PDCD7: variants seen among roughly 807,000 people sequenced by gnomAD.
PDCD7 encodes programmed cell death protein 7.
Under a neutral mutation model 42.1 loss-of-function variants are expected in PDCD7, and 40 were observed. The observed-to-expected ratio is 0.95, with a 90% CI of 0.74 to 1.24. PDCD7 has a LOEUF of 1.24. Among genes scored for constraint, PDCD7 ranks in the 50% most tolerant of loss-of-function variants. The probability of loss-of-function intolerance (pLI) is 0.00; values close to 1 mark genes in which losing one functional copy is unlikely to be tolerated. For synonymous variants in PDCD7, 299 were observed against 303.3 expected, an observed-to-expected ratio of 0.99 and a Z score of 0.15; for missense variants, 644 against 662.8, an observed-to-expected ratio of 0.97 and a Z score of 0.31.
In PDCD7 at chr15:65,133,651, C is replaced by A. The variant is rs1458589568; in HGVS notation, c.131G>T (p.Arg44Leu). The change falls in exon 1 of 5, where the codon CGG (arginine) becomes CTG (leucine). Residue 44 changes from arginine (R) to leucine (L), a missense_variant. Arg to Leu is a moderately radical substitution (Grantham distance 102). Coordinates refer to ENST00000204549, the MANE Select transcript of PDCD7 (RefSeq NM_005707.2). ...GGAGGCCCCCGGAAAAGGGCCGGGC[C>A]GCTGGGGGAGAGGCGGCGGGAAAGC... Reference protein sequence around the residue: ...SPAFPPPLPQRPGPFPGASAP... With the variant: ...SPAFPPPLPQLPGPFPGASAP... 7.9e-7 allele frequency: 1 copy of A among 1,261,524 alleles called. No individual in the cohort carries two copies. The highest frequency in any genetic ancestry group is 1.0e-6 in the Non-Finnish European group (1 of 998,736). The allele number at this position is 1,261,524 out of a possible 1,614,324, so 78.1% of individuals were successfully genotyped here.
At chr15:65,128,638 C>G (rs1235377426) in intron 2 of PDCD7, among the ~76,000 whole-genome samples, 1 of 152,222 alleles carries the variant, frequency 6.6e-6, no homozygotes, top group Non-Finnish European at 1.5e-5. Flanking sequence ...TGAAATGTAT[C>G]TGAAGAAGCA....
chr15:65,130,154 C>CTTT (rs886281618), intron 1 of PDCD7, among the ~76,000 whole-genome samples: 176 of 103,616 alleles, frequency 1.7e-3, no homozygotes, highest in Non-Finnish European at 2.3e-3. Flanking sequence ...CCCCAACCCT[C>CTTT]TTTTTTTTTT....
intron 1 of PDCD7, among the ~76,000 whole-genome samples, chr15:65,131,547 G>A (rs1000623822): frequency 1.3e-5 from 2 of 152,028 alleles, no homozygotes; most frequent in Non-Finnish European, 2.9e-5. Flanking sequence ...TCAGGAGTTC[G>A]AGACCAGTCT....
intron 2 of PDCD7, 108 bp downstream of exon 2, chr15:65,128,924 G>A (rs1357557871): frequency 7.6e-7 from 1 of 1,315,214 alleles, no homozygotes. Context: ...CCGACAAGGT[G>A]AAAATCATGA....
In PDCD7 at chr15:65,118,559, G is replaced by T; in HGVS notation, c.*158C>A. The T allele has an allele frequency of 2.9e-6, 2 of 691,142 alleles. No individual in the cohort carries two copies. The highest frequency in any genetic ancestry group is 4.3e-6 in the Non-Finnish European group (2 of 461,062). The allele number at this position is 691,142 out of a possible 1,614,324, so 42.8% of individuals were successfully genotyped here. A position where few individuals can be genotyped will look rare whatever the true frequency, so the allele number is the denominator to read the frequency against. ...TAATCTGATTCAAGAGGCACCTCTG[G>T]CCAGCACAGAGCACAGAAGGAAAGC... On this transcript the variant is annotated 3_prime_UTR_variant, in exon 5 of 5. Transcript: ENST00000204549.
chr15:65,121,528 G>T (rs192318284), intron 2 of PDCD7, among the ~76,000 whole-genome samples: 160 of 152,288 alleles, frequency 1.1e-3, no homozygotes, highest in African/African-American at 3.6e-3. Flanking sequence ...TGCACACTTG[G>T]ATGGTGAGGA....
In PDCD7 at chr15:65,133,025, C is replaced by A. The variant is rs763896897; in HGVS notation, c.757G>T (p.Ala253Ser). The A allele has an allele frequency of 8.1e-6, 13 of 1,598,994 alleles. No homozygotes were observed. The highest frequency in any genetic ancestry group is 1.0e-5 in the Non-Finnish European group (12 of 1,177,978). The change falls in exon 1 of 5, where the codon GCC becomes TCC. Residue 253 changes from alanine to serine, a missense_variant. Transcript: ENST00000204549. ...TCCCGCTCGGCCTCGCGTTCCCGGG[C>A]CCTCTCGCGAAGCCGCAGCCGGCGG... The part of the protein sequence containing the change: ...RRRRLRLRER[A>S]REREAEREAE...
intron 2 of PDCD7, among the ~76,000 whole-genome samples, chr15:65,120,567 G>C (rs1566971430): frequency 6.6e-6 from 1 of 152,214 alleles, no homozygotes; most frequent in South Asian, 2.1e-4. Flanking sequence ...AATTAGCCAG[G>C]CATGGTGGCA....
chr15:65,128,905 C>T lies in PDCD7; in HGVS notation c.1009+127G>A, dbSNP rs2087517087. The T allele has an allele frequency of 7.2e-6, 8 of 1,115,312 alleles. No individual in the cohort carries two copies. In the South Asian group the frequency reaches 1.2e-4, roughly 17 times the overall value. The allele number at this position is 1,115,312 out of a possible 1,614,324, so 69.1% of individuals were successfully genotyped here. A position where few individuals can be genotyped will look rare whatever the true frequency, so the allele number is the denominator to read the frequency against. ...AAGTTCTGACCTACTTGCTGACAAG[C>T]CCAGTTACCCGACAAGGTGAAAATC... is the stretch of plus-strand genomic sequence containing the variant. On this transcript the variant is annotated intron_variant, in intron 2 of 4. Transcript: ENST00000204549.
Position 65,119,480 on chromosome 15 carries a change from C to T in PDCD7, c.1247-17G>A. ...GGAACTCATCTGAAAGAGAAAAGCA[C>T]AATACCACGTTATCATGCTTGATAT... is the stretch of plus-strand genomic sequence containing the variant. On this transcript the variant is annotated splice_polypyrimidine_tract_variant and intron_variant, in intron 3 of 4. Transcript: ENST00000204549. 1.3e-6 allele frequency: 2 copies of T among 1,552,814 alleles called. No individual in the cohort carries two copies. The highest frequency in any genetic ancestry group is 1.8e-6 in the Non-Finnish European group (2 of 1,124,268).
chr15:65,122,562 G>A (rs2087464181), intron 2 of PDCD7, among the ~76,000 whole-genome samples: 1 of 152,034 alleles, frequency 6.6e-6, no homozygotes, highest in Non-Finnish European at 1.5e-5. Flanking sequence ...TTTAATGGCT[G>A]TATCCTATTT....
At chr15:65,132,287 A>ATT (rs775081541) in intron 1 of PDCD7, among the ~76,000 whole-genome samples, 1,607 of 139,964 alleles carry the variant, frequency 0.011, 15 homozygotes, top group African/African-American at 0.02. Flanking sequence ...CAAGTTCTCT[A>ATT]TTTTTTTTTT....
chr15:65,133,753 C>A lies in PDCD7; in HGVS notation c.29G>T (p.Gly10Val). 1 of 1,332,590 alleles carries A rather than the reference C, an allele frequency of 7.5e-7. No homozygotes were observed. The highest frequency in any genetic ancestry group is 3.0e-5 in the East Asian group (1 of 32,872). The allele number at this position is 1,332,590 out of a possible 1,614,324, so 82.5% of individuals were successfully genotyped here. A position where few individuals can be genotyped will look rare whatever the true frequency, so the allele number is the denominator to read the frequency against. Residue 10 changes from glycine to valine, a missense_variant, in exon 1 of 5, where the codon GGT becomes GTT. Physicochemically the swap from Gly to Val is moderately radical, Grantham distance 109. Transcript: ENST00000204549. ...CTGCGGGGGCGGTGGGCCTGGGCGA[C>A]CCTGGCCGAAGAATGGTGGCAGGGC... MALPPFFGQ[G>V]RPGPPPPQPP...
chr15:65,130,446 G>A (rs1485368844), intron 1 of PDCD7, among the ~76,000 whole-genome samples: 1 of 151,786 alleles, frequency 6.6e-6, no homozygotes, highest in African/African-American at 2.4e-5. Flanking sequence ...GCATGACCAC[G>A]GCGCCCAGCC....
Position 65,133,804 on chromosome 15 carries a change from G to A in PDCD7, c.-23C>T. ...CATGTTCACGACGGAGATGCTTTGA[G>A]AAGTGACAGGAATCTGAGTGGCTCC... is the stretch of plus-strand genomic sequence containing the variant. On this transcript the variant is annotated 5_prime_UTR_variant, in exon 1 of 5. Coordinates refer to ENST00000204549, the MANE Select transcript of PDCD7 (RefSeq NM_005707.2). The A allele has an allele frequency of 7.3e-7, 1 of 1,362,850 alleles. No homozygotes were observed. Among genetic ancestry groups the A allele is most frequent in the Non-Finnish European group, 9.5e-7 (1 of 1,056,554 alleles). 84.4% of individuals were successfully genotyped at this position (1,362,850 alleles called of 1,614,324 possible).
In PDCD7 at chr15:65,119,881, C is replaced by T; in HGVS notation, c.1083G>A (p.Lys361=). The change falls in exon 3 of 5, where the codon AAG becomes AAA. Residue 361 remains lysine, a synonymous_variant. Transcript: ENST00000204549. Reference sequence around the variant, plus strand: ...CTTCAGCTTCATACAGTTCAGAGCGCTTTTTAATGAGTTTTCTCAGTCGCT... The same window carrying T: ...CTTCAGCTTCATACAGTTCAGAGCGTTTTTTAATGAGTTTTCTCAGTCGCT... ...HLQRLRKLIK[K]RSELYEAEER... is the part of the protein sequence containing the mutation. The T allele has an allele frequency of 6.2e-7, 1 of 1,614,124 alleles. No individual in the cohort carries two copies. Among genetic ancestry groups the T allele is most frequent in the African/African-American group, 1.3e-5 (1 of 75,024 alleles).
At chr15:65,126,093 C>CAA (rs2087493896) in intron 2 of PDCD7, among the ~76,000 whole-genome samples, 1 of 152,192 alleles carries the variant, frequency 6.6e-6, no homozygotes, top group East Asian at 1.9e-4. Flanking sequence ...ATGGGAGCTA[C>CAA]AATTCAAGAT....
At position 65,129,134 on chromosome 15, in the gene PDCD7, A is replaced by G. The variant is rs2087519398; in HGVS notation, c.907T>C (p.Ser303Pro). ...TCTGCTTGTTTTTTCCTCACTTCAG[A>G]TAGTACGCCATCAGCGGCTGCTTTG... is the stretch of plus-strand genomic sequence containing the variant. ...ELKAAADGVLSEVRKKQADTK... is the reference protein window; with the variant it reads ...ELKAAADGVLPEVRKKQADTK... The change falls in exon 2 of 5, where the codon TCT becomes CCT. Residue 303 changes from serine (S) to proline (P), a missense_variant. Physicochemically the swap from Ser to Pro is moderately conservative, Grantham distance 74. Transcript: ENST00000204549. The G allele has an allele frequency of 6.2e-7, 1 of 1,613,954 alleles. No individual in the cohort carries two copies.
Position 65,119,447 on chromosome 15 carries a change from A to G in PDCD7, c.1263T>C (p.Ala421=). 6.2e-7 allele frequency: 1 copy of G among 1,613,192 alleles called. No homozygotes were observed. The highest frequency in any genetic ancestry group is 8.5e-7 in the Non-Finnish European group (1 of 1,179,178). The part of the protein sequence containing the change: ...LFGDPDEFPL[A]HLLEPFRQYY... ...ACTGTCGGAAAGGCTCCAAGAGGTG[A>G]GCAAGTGGGAACTCATCTGAAAGAG... Residue 421 remains alanine, a synonymous_variant, in exon 4 of 5, where the codon GCT becomes GCC. Transcript: ENST00000204549.
Sources: gnomAD v4.1 joint callset for allele counts (sites outside exome capture counted in the v4.1 genomes callset) on GRCh38, gnomAD v4.1.1 for gene constraint, MANE v1.5 for transcripts, NCBI Gene and HGNC (gene_info 2026-07-23, HGNC 2026-07-21) for gene names.